Variants in SNTB1 observed in about 807,000 individuals in gnomAD.
SNTB1 encodes the protein beta-1-syntrophin.
Under a neutral mutation model 48.9 loss-of-function variants are expected in SNTB1, and 36 were observed. That is an observed-to-expected ratio of 0.74 (90% CI 0.56 to 0.97). SNTB1 has a LOEUF of 0.97. SNTB1 is among the 50% of genes least tolerant of loss of function. SNTB1 has a pLI of 0.00. For missense variants in SNTB1, 786 were observed against 703.4 expected (o/e 1.12, Z -1.33); for synonymous variants, 299 against 294.6 (o/e 1.01, Z -0.15).
intron 2 of SNTB1, among the ~76,000 whole-genome samples, chr8:120,683,113 C>T (rs191556421): frequency 0.011 from 1,686 of 152,158 alleles, 29 homozygotes; most frequent in African/African-American, 0.038. Flanking sequence ...AATCTCCTGA[C>T]CTCGTGATCC....
chr8:120,732,407 T>A (rs1310319187), intron 1 of SNTB1, among the ~76,000 whole-genome samples: 1 of 152,244 alleles, frequency 6.6e-6, no homozygotes, highest in Non-Finnish European at 1.5e-5. Flanking sequence ...AGCAGAAACC[T>A]CACTCTGAGG....
intron 1 of SNTB1, among the ~76,000 whole-genome samples, chr8:120,795,863 C>T (rs1355720840): frequency 6.6e-6 from 1 of 151,984 alleles, no homozygotes; most frequent in Non-Finnish European, 1.5e-5. Flanking sequence ...CCTTCATGTT[C>T]ATATGGCCCC....
chr8:120,719,947 A>G (rs1272376367), intron 1 of SNTB1, among the ~76,000 whole-genome samples: 1 of 152,228 alleles, frequency 6.6e-6, no homozygotes, highest in African/African-American at 2.4e-5. Flanking sequence ...TATTTGTAAA[A>G]TGACTTCAAA....
chr8:120,566,753 C>T (rs4409430), intron 4 of SNTB1, among the ~76,000 whole-genome samples: 29,811 of 152,040 alleles, frequency 0.2, 3,036 homozygotes, highest in Middle Eastern at 0.3. Flanking sequence ...TGGAGTTGAA[C>T]ATTTGCTTGT....
intron 3 of SNTB1, among the ~76,000 whole-genome samples, chr8:120,580,986 G>C (rs1816038630): frequency 6.6e-6 from 1 of 151,768 alleles, no homozygotes; most frequent in African/African-American, 2.4e-5. Flanking sequence ...CTACTTGAGA[G>C]GCTGAGGCCT....
intron 1 of SNTB1, among the ~76,000 whole-genome samples, chr8:120,759,146 T>C (rs1819368787): frequency 6.6e-6 from 1 of 152,158 alleles, no homozygotes; most frequent in African/African-American, 2.4e-5. Context: ...TGAAAGAATT[T>C]CCATCCAGGC....
intron 1 of SNTB1, among the ~76,000 whole-genome samples, chr8:120,771,834 G>C (rs140867555): frequency 1.2e-3 from 183 of 151,938 alleles, no homozygotes; most frequent in African/African-American, 4.1e-3. Flanking sequence ...AACACATTTT[G>C]TATCTGTTTT....
chr8:120,732,379 C>T (rs1215347355), intron 1 of SNTB1, among the ~76,000 whole-genome samples: 3 of 152,198 alleles, frequency 2.0e-5, no homozygotes, highest in Non-Finnish European at 4.4e-5. Flanking sequence ...CCAGTTAATA[C>T]TCATGTTTAA....
intron 4 of SNTB1, among the ~76,000 whole-genome samples, chr8:120,551,749 A>AAT (rs1815485405): frequency 6.7e-6 from 1 of 148,184 alleles, no homozygotes. Flanking sequence ...AAAAAAAAAA[A>AAT]GTAAGGTTGT....
intron 2 of SNTB1, among the ~76,000 whole-genome samples, chr8:120,670,873 T>TA (rs1202738944): frequency 6.6e-6 from 1 of 152,214 alleles, no homozygotes; most frequent in African/African-American, 2.4e-5. Context: ...TAGGTACCAT[T>TA]ACTGTTACTA....
intron 1 of SNTB1, among the ~76,000 whole-genome samples, chr8:120,766,525 T>C (rs2130083267): frequency 6.6e-6 from 1 of 152,298 alleles, no homozygotes; most frequent in South Asian, 2.1e-4. Flanking sequence ...TAAATACTAT[T>C]TTCCTTATAT....
intron 4 of SNTB1, among the ~76,000 whole-genome samples, chr8:120,573,481 T>C (rs1276975710): frequency 2.0e-5 from 3 of 152,216 alleles, no homozygotes; most frequent in South Asian, 2.1e-4. Context: ...ATTTTGTAAG[T>C]TGCCTTTCCA....
chr8:120,637,315 C>A, intron 2 of SNTB1: 1 of 312,700 alleles, frequency 3.2e-6, no homozygotes, highest in Non-Finnish European at 6.5e-6. Flanking sequence ...TGGCTCCTGT[C>A]CTAAGTGTAG....
chr8:120,776,973 G>A (rs1819745815), intron 1 of SNTB1: 1 of 152,106 alleles, frequency 6.6e-6, no homozygotes. Context: ...ACAGAAATGA[G>A]GCCTTTTAAT....
chr8:120,608,146 C>T (rs1190693915), intron 3 of SNTB1, among the ~76,000 whole-genome samples: 2 of 152,112 alleles, frequency 1.3e-5, no homozygotes, highest in African/African-American at 4.8e-5. Flanking sequence ...CACCTTTGAC[C>T]CAGGTACACA....
At position 120,548,970 on chromosome 8, in the gene SNTB1, GA is replaced by G; in HGVS notation, c.1137-13del. The G allele has an allele frequency of 2.6e-6, 4 of 1,536,700 alleles. No homozygotes were observed. The South Asian group carries it at 5.1e-5, about 20-fold the overall frequency. On this transcript the variant is annotated splice_polypyrimidine_tract_variant and intron_variant, in intron 4 of 6. Transcript: ENST00000517992. ...CTGAATGGACCAGCCTGGAGAGAGA[GA>G]GAGAGAGACATCATCAAAATGGAGA...
In SNTB1 at chr8:120,735,554, T is replaced by C. The variant is rs547319987; in HGVS notation, c.572-41646A>G. Among the ~76,000 whole-genome samples, 14 of 152,218 alleles carry C rather than the reference T, an allele frequency of 9.2e-5. No individual in the cohort carries two copies. In the East Asian group the frequency reaches 2.5e-3, roughly 27 times the overall value. On this transcript the variant is annotated intron_variant, in intron 1 of 6. Coordinates refer to ENST00000517992, the MANE Select transcript of SNTB1 (RefSeq NM_021021.4). ...GGTTGGTGTCCTTATTATAAAGTGT[T>C]ATTAGGACACACATAAAAGAAACAC...
intron 3 of SNTB1, among the ~76,000 whole-genome samples, chr8:120,605,548 C>T (rs1173213100): frequency 6.6e-6 from 1 of 152,154 alleles, no homozygotes; most frequent in East Asian, 1.9e-4. Flanking sequence ...TATGTGTTCA[C>T]CTCTTTTTGT....
chr8:120,730,925 C>T (rs546790770), intron 1 of SNTB1, among the ~76,000 whole-genome samples: 1 of 151,896 alleles, frequency 6.6e-6, no homozygotes, highest in South Asian at 2.1e-4. Context: ...TTTGAGACTA[C>T]CGTGGCCAAC....
Sources: allele counts gnomAD v4.1 joint callset (sites outside exome capture counted in the v4.1 genomes callset), GRCh38; gene constraint gnomAD v4.1.1; transcripts MANE v1.5; gene names NCBI Gene and HGNC (gene_info 2026-07-23, HGNC 2026-07-21).